Variants in TSPEAR observed in about 807,000 individuals in gnomAD.
The protein encoded by TSPEAR is thrombospondin-type laminin G domain and EAR repeat-containing protein.
A neutral mutation model predicts 71.6 loss-of-function variants in TSPEAR; 69 were observed. The observed-to-expected ratio is 0.96, with a 90% CI of 0.79 to 1.18. TSPEAR has a LOEUF of 1.18. Among genes scored for constraint, TSPEAR ranks in the 50% most tolerant of loss-of-function variants. The probability of loss-of-function intolerance (pLI) is 0.00; values close to 1 mark genes in which losing one functional copy is unlikely to be tolerated. For missense variants in TSPEAR, 971 were observed against 894.9 expected (o/e 1.09, Z -1.09); for synonymous variants, 402 against 387.2 (o/e 1.04, Z -0.45).
At chr21:44,590,941 C>T (rs1181532487) in intron 1 of TSPEAR, among the ~76,000 whole-genome samples, 8 of 152,092 alleles carry the variant, frequency 5.3e-5, no homozygotes, top group African/African-American at 1.9e-4. Flanking sequence ...TTGCTTCCTG[C>T]CTCATCCCAT....
intron 1 of TSPEAR, among the ~76,000 whole-genome samples, chr21:44,594,366 A>AT (rs1980215211): frequency 6.6e-6 from 1 of 152,232 alleles, no homozygotes; most frequent in Non-Finnish European, 1.5e-5. Flanking sequence ...CTGTGACCCC[A>AT]TAGTACTCAG....
At chr21:44,646,701 G>T in intron 1 of TSPEAR, 1 of 1,614,102 alleles carries the variant, frequency 6.2e-7, no homozygotes, top group East Asian at 2.2e-5. Flanking sequence ...CATGCTGCCA[G>T]CAGTCTAGCT....
chr21:44,525,832 AGGAAGAT>A lies in TSPEAR; in HGVS notation c.1150_1156del (p.Ile384TrpfsTer26), dbSNP rs782334547. On this transcript the variant is annotated frameshift_variant and splice_region_variant, in exon 8 of 12. Coordinates refer to ENST00000323084, the MANE Select transcript of TSPEAR (RefSeq NM_144991.3). LOFTEE classifies it high-confidence loss of function. The stretch of plus-strand genomic sequence containing the variant: ...ATCTGGTTCAAAATTAGCCACTGCC[AGGAAGAT>A]CTGAAAGAGAGTAAACCGGGACCAC... The A allele has an allele frequency of 3.1e-6, 5 of 1,614,102 alleles. No homozygotes were observed. In the South Asian group the frequency reaches 5.5e-5, roughly 18 times the overall value.
chr21:44,525,658 C>T lies in TSPEAR; in HGVS notation c.1331G>A (p.Arg444Gln), dbSNP rs146014044. ...GEHFLAVANH[R>Q]EGDNHNIDSV... ...GAAGGCCACTCCTGCCCTACCTTCC[C>T]GGTGGTTGGCCACCGCCAGGAAGTG... The change falls in exon 8 of 12, where the codon CGG (arginine) becomes CAG (glutamine). Residue 444 changes from arginine to glutamine, a missense_variant. By Grantham distance (43) the Arg-to-Gln change is conservative. Coordinates refer to ENST00000323084, the MANE Select transcript of TSPEAR (RefSeq NM_144991.3). 2.4e-5 allele frequency: 38 copies of T among 1,614,050 alleles called. No individual in the cohort carries two copies. The highest frequency in any genetic ancestry group is 2.3e-4 in the Admixed American group (14 of 60,016).
At position 44,533,538 on chromosome 21, in the gene TSPEAR, GCCC is replaced by G. The variant is rs1601376725; in HGVS notation, c.542+144_542+146del. On this transcript the variant is annotated intron_variant, in intron 3 of 11. Coordinates refer to ENST00000323084, the MANE Select transcript of TSPEAR (RefSeq NM_144991.3). ...GGCTCCTGCCCCGTGGATGGCTCCT[GCCC>G]CTCCACCCCATGGCTCCTGACCCTG... is the stretch of plus-strand genomic sequence containing the variant. 3 of 691,768 alleles carry G rather than the reference GCCC, an allele frequency of 4.3e-6. No homozygotes were observed. The East Asian group carries it at 8.2e-5, about 19-fold the overall frequency. 42.9% of individuals were successfully genotyped at this position (691,768 alleles called of 1,614,324 possible).
At chr21:44,588,113 A>C (rs1979460697) in intron 1 of TSPEAR, among the ~76,000 whole-genome samples, 1 of 152,242 alleles carries the variant, frequency 6.6e-6, no homozygotes, top group Non-Finnish European at 1.5e-5. Context: ...GAAAATCTTC[A>C]CAATCTGTAC....
At chr21:44,680,100 AC>A (rs1555947684) in intron 1 of TSPEAR, among the ~76,000 whole-genome samples, 1 of 152,236 alleles carries the variant, frequency 6.6e-6, no homozygotes, top group Non-Finnish European at 1.5e-5. Context: ...TGAAGAGACA[AC>A]CTGTGTAATG....
chr21:44,558,657 T>C (rs2146050899), intron 2 of TSPEAR: 1 of 1,613,132 alleles, frequency 6.2e-7, no homozygotes. Context: ...TGGGCAGGCG[T>C]CCACCTGCCA....
intron 1 of TSPEAR, among the ~76,000 whole-genome samples, chr21:44,651,974 ACTTT>A (rs1371638543): frequency 3.4e-5 from 5 of 145,672 alleles, no homozygotes; most frequent in South Asian, 2.2e-4. Flanking sequence ...TCTGAATAAA[ACTTT>A]CTTTTTTTTT....
intron 1 of TSPEAR, among the ~76,000 whole-genome samples, chr21:44,703,759 G>A (rs1987771713): frequency 6.6e-6 from 1 of 152,146 alleles, no homozygotes; most frequent in South Asian, 2.1e-4. Context: ...GCCCAAGCTG[G>A]CCACTCTTTG....
rs144396182 is a variant in TSPEAR, at chr21:44,641,085, A to C, written c.82+70348T>G. 5.3e-4 allele frequency among the ~76,000 whole-genome samples: 81 copies of C among 152,356 alleles called. No homozygotes were observed. In the East Asian group the frequency reaches 0.015, roughly 28 times the overall value. On this transcript the variant is annotated intron_variant, in intron 1 of 11. Transcript: ENST00000323084. ...CCCCAGCATCAGCTCTGGATGCAGA[A>C]TATGTGTATCTATGTGCAGAAAACC...
chr21:44,708,997 C>T (rs1186048061), intron 1 of TSPEAR, among the ~76,000 whole-genome samples: 7 of 152,230 alleles, frequency 4.6e-5, no homozygotes, highest in Non-Finnish European at 1.0e-4. Flanking sequence ...CGTGACCGGT[C>T]CCCACCGCTG....
At chr21:44,679,624 A>T (rs1391272886) in intron 1 of TSPEAR, among the ~76,000 whole-genome samples, 1 of 152,238 alleles carries the variant, frequency 6.6e-6, no homozygotes, top group African/African-American at 2.4e-5. Flanking sequence ...ACCTGTAGGT[A>T]TCACACCGCT....
At position 44,574,273 on chromosome 21, in the gene TSPEAR, G is replaced by A. The variant is rs782456498; in HGVS notation, c.83-6268C>T. On this transcript the variant is annotated intron_variant, in intron 1 of 11. Coordinates refer to ENST00000323084, the MANE Select transcript of TSPEAR (RefSeq NM_144991.3). ...GTCTGCTCTGGGATTTCCTCTTCGT[G>A]CTGCCAGCAGTCTAGCTGTGTGAGC... is the stretch of plus-strand genomic sequence containing the variant. 1.1e-5 allele frequency: 17 copies of A among 1,603,896 alleles called. No individual in the cohort carries two copies. In the African/African-American group the frequency reaches 2.2e-4, roughly 21 times the overall value.
At chr21:44,513,984 T>C (rs1375918311) in intron 9 of TSPEAR, among the ~76,000 whole-genome samples, 7 of 152,108 alleles carry the variant, frequency 4.6e-5, no homozygotes, top group African/African-American at 1.4e-4. Flanking sequence ...CAGCCAACTC[T>C]TGGGTGCCCC....
chr21:44,551,358 G>C (rs587724578), intron 2 of TSPEAR: 2 of 1,613,212 alleles, frequency 1.2e-6, no homozygotes, highest in South Asian at 1.1e-5. Context: ...ACAGCAGCTG[G>C]GGGTGCCGCA....
intron 8 of TSPEAR, 100 bp downstream of exon 8, chr21:44,525,553 G>T: frequency 8.0e-7 from 1 of 1,248,192 alleles, no homozygotes; most frequent in Non-Finnish European, 1.1e-6. Flanking sequence ...GCTGCATGTG[G>T]CTTATTGTTT....
At chr21:44,522,347 C>T (rs1555914407) in intron 8 of TSPEAR, among the ~76,000 whole-genome samples, 1 of 152,236 alleles carries the variant, frequency 6.6e-6, no homozygotes, top group African/African-American at 2.4e-5. Context: ...TTGGTGGCCC[C>T]CACCGCCCTT....
intron 1 of TSPEAR, among the ~76,000 whole-genome samples, chr21:44,596,892 T>G (rs1980400109): frequency 6.6e-6 from 1 of 152,366 alleles, no homozygotes; most frequent in African/African-American, 2.4e-5. Flanking sequence ...AATTAGCCCT[T>G]TCTCTGATAT....
Sources: gnomAD v4.1 joint callset for allele counts (sites outside exome capture counted in the v4.1 genomes callset) on GRCh38, gnomAD v4.1.1 for gene constraint, MANE v1.5 for transcripts, NCBI Gene and HGNC (gene_info 2026-07-23, HGNC 2026-07-21) for gene names.